PSD3: variants seen among roughly 807,000 people sequenced by gnomAD.
The protein encoded by PSD3 is PH and SEC7 domain-containing protein 3.
In PSD3, 49 loss-of-function variants were observed where a neutral mutation model predicts 105.5. The ratio of observed to expected loss-of-function variants is 0.46; its 90% CI spans 0.37 to 0.59. The LOEUF is 0.59. PSD3 is among the 20% of genes least tolerant of loss of function. The pLI is 0.00. For synonymous variants in PSD3, 557 were observed against 457.8 expected (o/e 1.22, Z -2.77); for missense variants, 1,561 against 1,263.8 (o/e 1.24, Z -3.57).
intron 1 of PSD3, among the ~76,000 whole-genome samples, chr8:18,987,444 C>A (rs973742272): frequency 6.6e-6 from 1 of 152,190 alleles, no homozygotes. Flanking sequence ...CCCGCCACCA[C>A]GCCTGGCTAA....
rs146910482 is a variant in PSD3 at position 18,693,267 on chromosome 8, C to T, written c.2173-37582G>A. Among the ~76,000 whole-genome samples the T allele has an allele frequency of 2.6e-5, 4 of 152,288 alleles. No individual in the cohort carries two copies. The East Asian group carries it at 7.7e-4, about 29-fold the overall frequency. ...AACCCAACAGATTTGCTATTTCATACTCTGCCTCATCCAAATTTCAATGTG... is the reference window on the plus strand; with the variant it reads ...AACCCAACAGATTTGCTATTTCATATTCTGCCTCATCCAAATTTCAATGTG... On this transcript the variant is annotated intron_variant, in intron 9 of 15. Transcript: ENST00000327040.
intron 4 of PSD3, among the ~76,000 whole-genome samples, chr8:18,834,188 T>C (rs1419799012): frequency 6.6e-6 from 1 of 152,156 alleles, no homozygotes; most frequent in African/African-American, 2.4e-5. Context: ...AGAAAATATA[T>C]TTGAATGTAT....
chr8:18,639,533 G>C (rs1048465160), intron 10 of PSD3, among the ~76,000 whole-genome samples: 1 of 152,142 alleles, frequency 6.6e-6, no homozygotes, highest in Non-Finnish European at 1.5e-5. Flanking sequence ...GATGATTAAA[G>C]AGTGGGCCCT....
chr8:18,774,644 G>T, intron 8 of PSD3: 1 of 375,428 alleles, frequency 2.7e-6, no homozygotes, highest in Non-Finnish European at 5.2e-6. Context: ...TCAGCCAGTG[G>T]CACATGATAC....
At chr8:18,979,640 G>C (rs1257748268) in intron 1 of PSD3, 1 of 155,620 alleles carries the variant, frequency 6.4e-6, no homozygotes, top group African/African-American at 2.4e-5. Flanking sequence ...TTAGAGCTCG[G>C]AGTTGAGGCC....
At chr8:18,884,968 G>A (rs771665983) in intron 2 of PSD3, among the ~76,000 whole-genome samples, 2 of 152,194 alleles carry the variant, frequency 1.3e-5, no homozygotes, top group Non-Finnish European at 2.9e-5. Context: ...ACTGTGCAGA[G>A]CACTGTTACC....
chr8:19,031,104 C>A (rs965483776), intron 1 of PSD3, among the ~76,000 whole-genome samples: 2 of 152,186 alleles, frequency 1.3e-5, no homozygotes, highest in Non-Finnish European at 2.9e-5. Context: ...TCATGCCTAG[C>A]ACCTACAATC....
At chr8:18,884,047 T>C (rs1369256788) in intron 2 of PSD3, among the ~76,000 whole-genome samples, 1 of 152,124 alleles carries the variant, frequency 6.6e-6, no homozygotes, top group East Asian at 1.9e-4. Context: ...TAAAATCACA[T>C]TCCCCTCACT....
In PSD3 at chr8:18,930,482, C is replaced by G. The variant is rs374175784; in HGVS notation, c.130+5552G>C. 1.8e-4 allele frequency among the ~76,000 whole-genome samples: 27 copies of G among 152,050 alleles called. No homozygotes were observed. The East Asian group carries it at 3.1e-3, about 17-fold the overall frequency. On this transcript the variant is annotated intron_variant, in intron 2 of 15. Transcript: ENST00000327040. ...ACGTACAAGTCTTTACATTGGCATA[C>G]GCTTGGGTATCCTGGGTAAGTATCA...
chr8:18,544,564 G>A (rs1800346661), intron 15 of PSD3, among the ~76,000 whole-genome samples: 1 of 151,994 alleles, frequency 6.6e-6, no homozygotes, highest in Non-Finnish European at 1.5e-5. Flanking sequence ...GAAATCCAAA[G>A]AAAGTGTGAA....
chr8:18,669,773 T>C (rs1190305129), intron 9 of PSD3, among the ~76,000 whole-genome samples: 3 of 152,240 alleles, frequency 2.0e-5, no homozygotes, highest in African/African-American at 4.8e-5. Context: ...AAACTGCAGA[T>C]AAGGGGCGAA....
chr8:18,871,893 G>T lies in PSD3; in HGVS notation c.971C>A (p.Thr324Lys). The change falls in exon 3 of 16, where the codon ACA becomes AAA. Residue 324 changes from threonine to lysine, a missense_variant. Thr to Lys is a moderately conservative substitution (Grantham distance 78). Coordinates refer to ENST00000327040, the MANE Select transcript of PSD3 (RefSeq NM_015310.4). ...RETQHPIDFE[T>K]SLQRTASPDS... is the part of the protein sequence containing the mutation. The stretch of plus-strand genomic sequence containing the variant: ...AGGAGAGGCTGTTCTTTGCAGTGAT[G>T]TCTCAAAATCTATAGGATGCTGGGT... 1.2e-6 allele frequency: 2 copies of T among 1,614,226 alleles called. No homozygotes were observed. Among genetic ancestry groups the T allele is most frequent in the Non-Finnish European group, 1.7e-6 (2 of 1,180,036 alleles).
chr8:18,723,481 C>T (rs900611124), intron 9 of PSD3, among the ~76,000 whole-genome samples: 4 of 152,162 alleles, frequency 2.6e-5, no homozygotes, highest in Non-Finnish European at 5.9e-5. Context: ...GTTCCTTAGG[C>T]GTTTCTCTAC....
At chr8:18,946,049 T>C (rs1402479996) in intron 1 of PSD3, among the ~76,000 whole-genome samples, 3 of 152,148 alleles carry the variant, frequency 2.0e-5, no homozygotes, top group African/African-American at 7.2e-5. Flanking sequence ...TACAAATGAG[T>C]CATTAATGAG....
chr8:18,645,681 G>C (rs1315016582), intron 10 of PSD3, among the ~76,000 whole-genome samples: 1 of 152,134 alleles, frequency 6.6e-6, no homozygotes, highest in Non-Finnish European at 1.5e-5. Flanking sequence ...TGAGTACAGT[G>C]AAACAGAGAG....
At chr8:18,979,660 C>T in intron 1 of PSD3, 1 of 159,816 alleles carries the variant, frequency 6.3e-6, no homozygotes. Context: ...CAGTGACTGG[C>T]CAATGAACTC....
chr8:18,721,101 G>A (rs1286262309), intron 9 of PSD3: 1 of 151,916 alleles, frequency 6.6e-6, no homozygotes, highest in African/African-American at 2.4e-5. Context: ...CGGAGCAAAG[G>A]CCCTTCTCAC....
chr8:18,974,297 C>T (rs1824809638), intron 1 of PSD3, among the ~76,000 whole-genome samples: 1 of 152,158 alleles, frequency 6.6e-6, no homozygotes, highest in Admixed American at 6.5e-5. Flanking sequence ...TTCAAACCAA[C>T]CTCTGAGTTA....
At position 18,916,678 on chromosome 8, in the gene PSD3, T is replaced by G. The variant is rs116505852; in HGVS notation, c.130+19356A>C. Among the ~76,000 whole-genome samples, 508 of 152,078 alleles carry G rather than the reference T, an allele frequency of 3.3e-3. 3 individuals are homozygous for G. The highest frequency in any genetic ancestry group is 0.012 in the African/African-American group (498 of 41,478). ...GATCTGTCAGACAGCATGGTGCCTA[T>G]AATCAATAATGTATCACACACTTGA... On this transcript the variant is annotated intron_variant, in intron 2 of 15. Coordinates refer to ENST00000327040, the MANE Select transcript of PSD3 (RefSeq NM_015310.4).
Sources: allele counts gnomAD v4.1 joint callset (sites outside exome capture counted in the v4.1 genomes callset), GRCh38; gene constraint gnomAD v4.1.1; transcripts MANE v1.5; gene names NCBI Gene and HGNC (gene_info 2026-07-23, HGNC 2026-07-21).